Variants in TMEM132C observed in about 807,000 individuals in gnomAD.
TMEM132C encodes the protein protein phosphatase 1, regulatory subunit 152.
In TMEM132C, 29 loss-of-function variants were observed where a neutral mutation model predicts 61.4. The observed-to-expected ratio is 0.47, with a 90% CI of 0.35 to 0.64. The LOEUF is 0.64. Among genes scored for constraint, TMEM132C ranks in the 30% least tolerant of loss-of-function variants. TMEM132C has a pLI of 0.00. For missense variants in TMEM132C, 1,408 were observed against 1,476.9 expected, an observed-to-expected ratio of 0.95 and a Z score of 0.76; for synonymous variants, 656 against 633.1, an observed-to-expected ratio of 1.04 and a Z score of -0.54.
chr12:128,425,417 T>A (rs996554445), intron 2 of TMEM132C, among the ~76,000 whole-genome samples: 1 of 152,232 alleles, frequency 6.6e-6, no homozygotes, highest in African/African-American at 2.4e-5. Context: ...CCAGAGTTAC[T>A]GGCTCTAAAG....
At chr12:128,596,811 C>T (rs569042049) in intron 3 of TMEM132C, among the ~76,000 whole-genome samples, 17 of 148,206 alleles carry the variant, frequency 1.1e-4, no homozygotes, top group South Asian at 6.2e-4. Flanking sequence ...AACCCCACCA[C>T]GCAGGGCTCT....
intron 2 of TMEM132C, among the ~76,000 whole-genome samples, chr12:128,530,591 G>A (rs1007955895): frequency 2.0e-5 from 3 of 152,034 alleles, no homozygotes; most frequent in Admixed American, 2.0e-4. Flanking sequence ...TTACAAGCAT[G>A]TGCCACCACG....
chr12:128,347,497 C>G (rs1288735061), intron 1 of TMEM132C, among the ~76,000 whole-genome samples: 1 of 151,486 alleles, frequency 6.6e-6, no homozygotes, highest in Non-Finnish European at 1.5e-5. Context: ...GGTGCAATCT[C>G]GGCTCACCAC....
rs576249407 is a variant in TMEM132C, at chr12:128,480,735, A to G, written c.975-63222A>G. Among the ~76,000 whole-genome samples, 125 of 152,302 alleles carry G rather than the reference A, an allele frequency of 8.2e-4. 2 individuals are homozygous for G. Among genetic ancestry groups the G allele is most frequent in the Non-Finnish European group, 5.6e-4 (38 of 68,022 alleles). ...TCAGGAGTGTGACTGTGAGACCTGA[A>G]CAGCCTCCCCCTGGGCCAGGCTGGT... On this transcript the variant is annotated intron_variant, in intron 2 of 8. Transcript: ENST00000435159.
intron 2 of TMEM132C, among the ~76,000 whole-genome samples, chr12:128,531,794 G>A (rs1873317043): frequency 1.3e-5 from 2 of 151,312 alleles, no homozygotes; most frequent in South Asian, 4.2e-4. Context: ...TGGCACAAGG[G>A]GTCAGGAGTC....
chr12:128,459,501 G>C (rs1870455840), intron 2 of TMEM132C, among the ~76,000 whole-genome samples: 1 of 152,154 alleles, frequency 6.6e-6, no homozygotes, highest in South Asian at 2.1e-4. Flanking sequence ...TTAGAAGATA[G>C]AGCATGACTC....
chr12:128,613,416 G>C (rs922509685), intron 3 of TMEM132C, among the ~76,000 whole-genome samples: 2 of 152,198 alleles, frequency 1.3e-5, no homozygotes, highest in Non-Finnish European at 2.9e-5. Flanking sequence ...GCTCTTTACA[G>C]ATCCTCGCCT....
chr12:128,589,200 C>T (rs1002126020), intron 3 of TMEM132C, among the ~76,000 whole-genome samples: 8 of 152,156 alleles, frequency 5.3e-5, no homozygotes, highest in Admixed American at 2.6e-4. Flanking sequence ...ATGCAGGACA[C>T]GAAGGCAAGG....
intron 3 of TMEM132C, among the ~76,000 whole-genome samples, chr12:128,564,184 C>T (rs545961756): frequency 6.6e-6 from 1 of 152,288 alleles, no homozygotes; most frequent in African/African-American, 2.4e-5. Flanking sequence ...TGTGGAGGCT[C>T]TATGCTCAAG....
At position 128,706,963 on chromosome 12, in the gene TMEM132C, A is replaced by G. The variant is rs1208564684; in HGVS notation, c.*668A>G. On this transcript the variant is annotated 3_prime_UTR_variant, in exon 9 of 9. Transcript: ENST00000435159. ...AGAATCAAGCAGTATATTTTTCCTA[A>G]ATGAAACATAAATTATATTCCTATT... 1 of 152,168 alleles carries G rather than the reference A, an allele frequency of 6.6e-6. No individual in the cohort carries two copies. 9.4% of individuals were successfully genotyped at this position (152,168 alleles called of 1,614,324 possible).
chr12:128,584,527 C>G (rs1335855802), intron 3 of TMEM132C, among the ~76,000 whole-genome samples: 1 of 152,202 alleles, frequency 6.6e-6, no homozygotes, highest in African/African-American at 2.4e-5. Context: ...GGTTTCCTAC[C>G]TTTTGTGTAT....
chr12:128,585,668 A>G (rs1875517724), intron 3 of TMEM132C, among the ~76,000 whole-genome samples: 1 of 152,236 alleles, frequency 6.6e-6, no homozygotes, highest in South Asian at 2.1e-4. Context: ...AAATACCGCA[A>G]AGTCAAAGCA....
intron 4 of TMEM132C, among the ~76,000 whole-genome samples, chr12:128,643,989 ATAAAT>A (rs1173791189): frequency 6.6e-6 from 1 of 152,254 alleles, no homozygotes; most frequent in Admixed American, 6.5e-5. Context: ...GAAATGGTAG[ATAAAT>A]TAAAATGGTC....
chr12:128,663,868 G>A (rs1954421785), intron 4 of TMEM132C, among the ~76,000 whole-genome samples: 1 of 142,358 alleles, frequency 7.0e-6, no homozygotes, highest in Non-Finnish European at 1.6e-5. Context: ...ACTCACACAG[G>A]CACACACACA....
At chr12:128,340,142 T>C (rs1432684942) in intron 1 of TMEM132C, among the ~76,000 whole-genome samples, 2 of 152,242 alleles carry the variant, frequency 1.3e-5, no homozygotes, top group African/African-American at 4.8e-5. Context: ...GGACACGCTC[T>C]GTGGAAAGTA....
intron 3 of TMEM132C, among the ~76,000 whole-genome samples, chr12:128,577,312 CCTGTGCTCTTAGT>C (rs1421037378): frequency 2.6e-5 from 4 of 152,192 alleles, no homozygotes; most frequent in African/African-American, 4.8e-5. Context: ...ACCACAGGGA[CCTGTGCTCTTAGT>C]CCCATTTGTT....
chr12:128,697,564 A>C, intron 8 of TMEM132C, 149 bp downstream of exon 8: 5 of 851,006 alleles, frequency 5.9e-6, no homozygotes, highest in East Asian at 2.7e-5. Context: ...CAAAGTGCTC[A>C]TGTTACCCAC....
intron 1 of TMEM132C, among the ~76,000 whole-genome samples, chr12:128,352,982 G>C (rs1478548139): frequency 1.3e-5 from 2 of 152,138 alleles, no homozygotes; most frequent in African/African-American, 4.8e-5. Context: ...AGGGTCTCAG[G>C]GGCCCCAAGT....
intron 1 of TMEM132C, among the ~76,000 whole-genome samples, chr12:128,355,565 A>C (rs576635954): frequency 6.6e-6 from 1 of 151,622 alleles, no homozygotes; most frequent in East Asian, 2.0e-4. Flanking sequence ...TCTGCTTGAC[A>C]CCCTCCATGG....
Sources: allele counts gnomAD v4.1 joint callset (sites outside exome capture counted in the v4.1 genomes callset), GRCh38; gene constraint gnomAD v4.1.1; transcripts MANE v1.5; gene names NCBI Gene and HGNC (gene_info 2026-07-23, HGNC 2026-07-21).